NMNAT2: variants seen among roughly 807,000 people sequenced by gnomAD.
NMNAT2 encodes the protein nicotinamide nucleotide adenylyltransferase 2.
NMNAT2 carries 11 observed loss-of-function variants against 41.6 expected under a neutral mutation model. The ratio of observed to expected loss-of-function variants is 0.26; its 90% CI spans 0.17 to 0.44. The LOEUF is 0.44. Ranked by LOEUF, NMNAT2 falls within the 20% of genes least tolerant of loss-of-function variation. The pLI, the probability that NMNAT2 is intolerant of heterozygous loss-of-function variation, is 1.00. For missense variants in NMNAT2, 288 were observed against 407.7 expected (o/e 0.71, Z 2.53); for synonymous variants, 148 against 151.2 (o/e 0.98, Z 0.16).
intron 1 of NMNAT2, among the ~76,000 whole-genome samples, chr1:183,394,989 C>T (rs1300643260): frequency 6.6e-6 from 1 of 152,212 alleles, no homozygotes; most frequent in Non-Finnish European, 1.5e-5. Flanking sequence ...ACCCACCCTT[C>T]TTTGCCGTTC....
chr1:183,262,929 T>C (rs945674924), intron 8 of NMNAT2, among the ~76,000 whole-genome samples: 2 of 152,206 alleles, frequency 1.3e-5, no homozygotes, highest in African/African-American at 4.8e-5. Context: ...CCAGGTTTTT[T>C]CCCATAATTC....
chr1:183,268,904 T>G (rs1398260701), intron 8 of NMNAT2, among the ~76,000 whole-genome samples: 1 of 152,030 alleles, frequency 6.6e-6, no homozygotes, highest in African/African-American at 2.4e-5. Flanking sequence ...TATTTTAAAT[T>G]AGCTGAGTGT....
Position 183,278,810 on chromosome 1 carries a change from C to T in NMNAT2, c.575-181G>A, listed in dbSNP as rs10911296. The T allele has an allele frequency of 8.6e-6, 5 of 579,678 alleles. No individual in the cohort carries two copies. The African/African-American group carries it at 9.4e-5, about 11-fold the overall frequency. 35.9% of individuals were successfully genotyped at this position (579,678 alleles called of 1,614,324 possible). On this transcript the variant is annotated intron_variant, in intron 7 of 10. Coordinates refer to ENST00000287713, the MANE Select transcript of NMNAT2 (RefSeq NM_015039.4). The stretch of plus-strand genomic sequence containing the variant: ...AGCAGAAACCCCTGCTCACCTCTTC[C>T]TCGGGCTCATTTCCAGACCACCCTC...
At chr1:183,258,734 A>G (rs1040269381) in intron 10 of NMNAT2, among the ~76,000 whole-genome samples, 2 of 151,994 alleles carry the variant, frequency 1.3e-5, no homozygotes, top group African/African-American at 4.8e-5. Context: ...CCTGCACTTG[A>G]TGGACCAGCT....
intron 8 of NMNAT2, among the ~76,000 whole-genome samples, chr1:183,263,975 T>A (rs1466002660): frequency 6.6e-6 from 1 of 151,108 alleles, no homozygotes; most frequent in Non-Finnish European, 1.5e-5. Context: ...GAGAAAGAGA[T>A]AGAAAAGAGA....
rs577925848 is a variant in NMNAT2 at position 183,345,773 on chromosome 1, G to A, written c.86-51980C>T. Among the ~76,000 whole-genome samples, 121 of 150,044 alleles carry A rather than the reference G, an allele frequency of 8.1e-4. 1 individual carries two copies. The highest frequency in any genetic ancestry group is 2.7e-3 in the African/African-American group (110 of 40,706). On this transcript the variant is annotated intron_variant, in intron 1 of 10. Coordinates refer to ENST00000287713, the MANE Select transcript of NMNAT2 (RefSeq NM_015039.4). ...GCGATCTCGGCTCACTGCAAGCTCC[G>A]CCTCCCGGGTTCACGCCATTCTCCT...
intron 1 of NMNAT2, among the ~76,000 whole-genome samples, chr1:183,350,924 T>C (rs1663032159): frequency 1.3e-5 from 2 of 152,156 alleles, no homozygotes; most frequent in Admixed American, 6.5e-5. Context: ...GTTCAACATG[T>C]ATTTGAAGGA....
intron 4 of NMNAT2, among the ~76,000 whole-genome samples, chr1:183,287,503 GTA>G (rs1351797153): frequency 6.6e-6 from 1 of 152,182 alleles, no homozygotes; most frequent in Non-Finnish European, 1.5e-5. Flanking sequence ...AATTCTGTGT[GTA>G]TTATCTATTG....
intron 1 of NMNAT2, among the ~76,000 whole-genome samples, chr1:183,299,012 T>A (rs1053684566): frequency 2.6e-5 from 4 of 152,206 alleles, no homozygotes; most frequent in African/African-American, 9.7e-5. Context: ...CCAAATGTCC[T>A]ACGATAGGTA....
intron 8 of NMNAT2, among the ~76,000 whole-genome samples, chr1:183,267,919 ACAGTGGCCCT>A (rs1201030660): frequency 1.3e-5 from 2 of 152,138 alleles, no homozygotes; most frequent in Non-Finnish European, 2.9e-5. Flanking sequence ...CCTGCAGCAT[ACAGTGGCCCT>A]CAGTTTAGCA....
At chr1:183,409,884 C>A (rs983809456) in intron 1 of NMNAT2, among the ~76,000 whole-genome samples, 1 of 152,166 alleles carries the variant, frequency 6.6e-6, no homozygotes, top group Admixed American at 6.5e-5. Context: ...GCAAGAACAA[C>A]CTATCAGGGG....
intron 10 of NMNAT2, among the ~76,000 whole-genome samples, chr1:183,254,623 G>C (rs1168230841): frequency 6.6e-6 from 1 of 152,042 alleles, no homozygotes; most frequent in African/African-American, 2.4e-5. Context: ...TGGTGGGAAG[G>C]GGTAAGGATA....
intron 1 of NMNAT2, among the ~76,000 whole-genome samples, chr1:183,393,105 C>A (rs559489318): frequency 6.6e-6 from 1 of 152,134 alleles, no homozygotes; most frequent in Non-Finnish European, 1.5e-5. Context: ...TCACATGATC[C>A]CTAGCTGCTC....
intron 1 of NMNAT2, among the ~76,000 whole-genome samples, chr1:183,372,351 C>A (rs573697022): frequency 6.6e-6 from 1 of 152,246 alleles, no homozygotes; most frequent in African/African-American, 2.4e-5. Context: ...GAGAAATAGA[C>A]TCCACACCAC....
At chr1:183,375,611 C>A (rs1320334381) in intron 1 of NMNAT2, among the ~76,000 whole-genome samples, 2 of 152,224 alleles carry the variant, frequency 1.3e-5, no homozygotes, top group Non-Finnish European at 2.9e-5. Context: ...CACCTGCAGC[C>A]TCCCCTATCT....
chr1:183,361,220 G>T (rs1346273128), intron 1 of NMNAT2, among the ~76,000 whole-genome samples: 2 of 152,132 alleles, frequency 1.3e-5, no homozygotes, highest in African/African-American at 4.8e-5. Flanking sequence ...TTTGACTACC[G>T]AGTCTGGACT....
At chr1:183,412,531 C>A (rs984485062) in intron 1 of NMNAT2, among the ~76,000 whole-genome samples, 3 of 152,152 alleles carry the variant, frequency 2.0e-5, no homozygotes, top group South Asian at 2.1e-4. Context: ...CCAAAAGGAT[C>A]GCTCTGATAA....
At chr1:183,304,921 A>G (rs527721915) in intron 1 of NMNAT2, 2 of 1,388,076 alleles carry the variant, frequency 1.4e-6, no homozygotes, top group Non-Finnish European at 1.9e-6. Context: ...CCTCCCTTCC[A>G]TAACTGTCAC....
At position 183,346,096 on chromosome 1, in the gene NMNAT2, C is replaced by G. The variant is rs148030790; in HGVS notation, c.86-52303G>C. Among the ~76,000 whole-genome samples the G allele has an allele frequency of 9.2e-5, 14 of 152,266 alleles. No individual in the cohort carries two copies. In the East Asian group the frequency reaches 2.3e-3, roughly 25 times the overall value. On this transcript the variant is annotated intron_variant, in intron 1 of 10. Coordinates refer to ENST00000287713, the MANE Select transcript of NMNAT2 (RefSeq NM_015039.4). ...ATAATTTGTCACCCCTCACATCTGTCCCCTGATTCCCAGCTCCAATTCTAC... is the reference window on the plus strand; with the variant it reads ...ATAATTTGTCACCCCTCACATCTGTGCCCTGATTCCCAGCTCCAATTCTAC...
Sources: gnomAD v4.1 joint callset for allele counts (sites outside exome capture counted in the v4.1 genomes callset) on GRCh38, gnomAD v4.1.1 for gene constraint, MANE v1.5 for transcripts, NCBI Gene and HGNC (gene_info 2026-07-23, HGNC 2026-07-21) for gene names.